The following ARHGAP8 variants were observed in gnomAD, a reference collection of about 807,000 sequenced individuals.
ARHGAP8 encodes the protein rho GTPase-activating protein 8.
ARHGAP8 carries 62 observed loss-of-function variants against 46.1 expected under a neutral mutation model. The observed-to-expected ratio is 1.34, with a 90% CI of 1.10 to 1.66. ARHGAP8 has a LOEUF of 1.66. Ranked by LOEUF, ARHGAP8 falls within the 40% of genes most tolerant of loss-of-function variation. The pLI is 0.00. For synonymous variants in ARHGAP8, 375 were observed against 243.1 expected (o/e 1.54, Z -5.05); for missense variants, 923 against 568.4 (o/e 1.62, Z -6.34).
chr22:44,788,745 T>A (rs910254777), intron 2 of ARHGAP8, among the ~76,000 whole-genome samples: 4 of 152,186 alleles, frequency 2.6e-5, no homozygotes, highest in African/African-American at 9.7e-5. Context: ...TGTTTTAGTT[T>A]TCTAATATGG....
At chr22:44,809,952 A>G (rs1929218969) in intron 4 of ARHGAP8, among the ~76,000 whole-genome samples, 2 of 152,112 alleles carry the variant, frequency 1.3e-5, no homozygotes, top group African/African-American at 2.4e-5. Context: ...TCCCCATCCT[A>G]TGTCTTAGGG....
chr22:44,822,527 C>T, intron 6 of ARHGAP8, 58 bp downstream of exon 6: 1 of 1,423,590 alleles, frequency 7.0e-7, no homozygotes, highest in Non-Finnish European at 9.4e-7. Flanking sequence ...TTCCAAAGGG[C>T]TTGGTTCAGT....
chr22:44,800,100 CT>C (rs769010356), intron 2 of ARHGAP8, among the ~76,000 whole-genome samples: 962 of 92,548 alleles, frequency 0.01, 7 homozygotes, highest in East Asian at 0.038. Context: ...TCTGTTCTGT[CT>C]TTTTTTTTTT....
chr22:44,845,291 G>C lies in ARHGAP8; in HGVS notation c.619G>C (p.Glu207Gln), dbSNP rs540915857. ...LQYLKDKNQGELIPPVLRFTV... is the reference protein window; with the variant it reads ...LQYLKDKNQGQLIPPVLRFTV... ...CAGCCTCAAAGACAAAAATCAAGGCGAACTCATCCCCCCTGTGCTGAGGTT... is the reference window on the plus strand; with the variant it reads ...CAGCCTCAAAGACAAAAATCAAGGCCAACTCATCCCCCCTGTGCTGAGGTT... The change falls in exon 8 of 12, where the codon GAA becomes CAA. Residue 207 changes from glutamate (E) to glutamine (Q), a missense_variant. By Grantham distance (29) the Glu-to-Gln change is conservative (BLOSUM62 2). Transcript: ENST00000356099. 1.2e-6 allele frequency: 2 copies of C among 1,614,100 alleles called. No individual in the cohort carries two copies. The highest frequency in any genetic ancestry group is 4.5e-5 in the East Asian group (2 of 44,882).
rs147137244 is a variant in ARHGAP8 at position 44,814,634 on chromosome 22, C to T, written c.300-38C>T. ...ATTGGGCGTGGGGTGTTTCTCGGAG[C>T]GCGGCAGCCTGAAGTCATCCCCCGT... is the stretch of plus-strand genomic sequence containing the variant. On this transcript the variant is annotated intron_variant, in intron 4 of 11. Coordinates refer to ENST00000356099, the MANE Select transcript of ARHGAP8 (RefSeq NM_181335.3). The T allele has an allele frequency of 1.9e-4, 300 of 1,589,354 alleles. 3 individuals carry two copies. The East Asian group carries it at 5.1e-3, about 27-fold the overall frequency.
At chr22:44,824,165 C>CT (rs1448457582) in intron 6 of ARHGAP8, among the ~76,000 whole-genome samples, 1 of 152,160 alleles carries the variant, frequency 6.6e-6, no homozygotes, top group Non-Finnish European at 1.5e-5. Context: ...TGAATCCTGG[C>CT]TGTCATCCCA....
At chr22:44,843,902 CTG>C (rs1010076511) in intron 7 of ARHGAP8, among the ~76,000 whole-genome samples, 4 of 150,190 alleles carry the variant, frequency 2.7e-5, no homozygotes, top group African/African-American at 7.4e-5. Flanking sequence ...TTGAAATAGA[CTG>C]TATTACATTA....
intron 8 of ARHGAP8, among the ~76,000 whole-genome samples, chr22:44,847,401 G>A (rs2069984627): frequency 6.6e-6 from 1 of 152,234 alleles, no homozygotes; most frequent in African/African-American, 2.4e-5. Context: ...CTAAACAGCA[G>A]CCACCAGCCC....
At chr22:44,782,027 G>A (rs188376895) in intron 1 of ARHGAP8, among the ~76,000 whole-genome samples, 4 of 151,952 alleles carry the variant, frequency 2.6e-5, no homozygotes, top group East Asian at 3.9e-4. Flanking sequence ...ACTGAAATTC[G>A]TGTAACATTA....
chr22:44,795,778 C>T (rs904545341), intron 2 of ARHGAP8, among the ~76,000 whole-genome samples: 4 of 152,134 alleles, frequency 2.6e-5, no homozygotes, highest in Admixed American at 2.6e-4. Context: ...CCATGTTCTC[C>T]CACCAGGCCT....
Position 44,847,970 on chromosome 22 carries a change from C to G in ARHGAP8, c.671-3C>G. On this transcript the variant is annotated splice_polypyrimidine_tract_variant and splice_region_variant and intron_variant, in intron 8 of 11. Transcript: ENST00000356099. The stretch of plus-strand genomic sequence containing the variant: ...GAGATGCCTGGAAGCTCCTCTCCTG[C>G]AGGCCTGCGCACCGAGGGCCTGTTC... 6.2e-7 allele frequency: 1 copy of G among 1,606,896 alleles called. No individual in the cohort carries two copies. Among genetic ancestry groups the G allele is most frequent in the Non-Finnish European group, 8.5e-7 (1 of 1,179,886 alleles).
chr22:44,858,276 T>C (rs1328971024), intron 10 of ARHGAP8, among the ~76,000 whole-genome samples: 2 of 152,046 alleles, frequency 1.3e-5, no homozygotes, highest in Admixed American at 1.3e-4. Context: ...CACAGTAGCA[T>C]AGGCATGCAT....
In ARHGAP8 at chr22:44,801,287, G is replaced by A. The variant is rs568766493; in HGVS notation, c.80-790G>A. 7.6e-5 allele frequency among the ~76,000 whole-genome samples: 6 copies of A among 79,394 alleles called. 1 individual carries two copies. In the East Asian group the frequency reaches 1.7e-3, roughly 23 times the overall value. 52.1% of individuals were successfully genotyped at this position (79,394 alleles called of 152,430 possible). A position where few individuals can be genotyped will look rare whatever the true frequency, so the allele number is the denominator to read the frequency against. ...CTATGTGTGAGGGGCGCCTCTCCCC[G>A]CAGCTGTCTTTGTGTGGGGGCACCT... On this transcript the variant is annotated intron_variant, in intron 2 of 11. Transcript: ENST00000356099.
At chr22:44,773,008 G>A (rs952934463) in intron 1 of ARHGAP8, among the ~76,000 whole-genome samples, 2 of 151,844 alleles carry the variant, frequency 1.3e-5, no homozygotes, top group African/African-American at 4.8e-5. Flanking sequence ...GTAGATATGA[G>A]GTCTCATATG....
chr22:44,860,573 G>A (rs539003883), intron 11 of ARHGAP8, among the ~76,000 whole-genome samples: 12 of 151,902 alleles, frequency 7.9e-5, no homozygotes, highest in Middle Eastern at 3.4e-3. Context: ...AACGGCCCTC[G>A]TTCCAAATAA....
chr22:44,824,159 T>C (rs1002792136), intron 6 of ARHGAP8, among the ~76,000 whole-genome samples: 30 of 152,110 alleles, frequency 2.0e-4, no homozygotes, highest in African/African-American at 6.3e-4. Context: ...GGGTGCTGAA[T>C]CCTGGCTGTC....
At chr22:44,772,968 A>G (rs4328738) in intron 1 of ARHGAP8, among the ~76,000 whole-genome samples, 3 of 151,886 alleles carry the variant, frequency 2.0e-5, no homozygotes. Flanking sequence ...ACAAGTGTGC[A>G]CTACCATGCC....
At chr22:44,794,095 G>A (rs551337470) in intron 2 of ARHGAP8, among the ~76,000 whole-genome samples, 11 of 152,196 alleles carry the variant, frequency 7.2e-5, no homozygotes, top group East Asian at 1.9e-4. Context: ...CCACCCTGAC[G>A]CTCACTTGGC....
intron 2 of ARHGAP8, among the ~76,000 whole-genome samples, chr22:44,798,674 C>A (rs1385333925): frequency 6.6e-6 from 1 of 152,154 alleles, no homozygotes; most frequent in African/African-American, 2.4e-5. Context: ...GGAACGTTCT[C>A]TGTGCTGGAC....
Sources: gnomAD v4.1 joint callset for allele counts (sites outside exome capture counted in the v4.1 genomes callset) on GRCh38, gnomAD v4.1.1 for gene constraint, MANE v1.5 for transcripts, NCBI Gene and HGNC (gene_info 2026-07-23, HGNC 2026-07-21) for gene names.